The following RPRD1A variants were observed in gnomAD, a reference collection of about 807,000 sequenced individuals.
RPRD1A encodes the protein regulation of nuclear pre-mRNA domain-containing protein 1A.
In RPRD1A, 9 loss-of-function variants were observed where a neutral mutation model predicts 37.8. The ratio of observed to expected loss-of-function variants is 0.24; its 90% confidence interval spans 0.14 to 0.42. The LOEUF (loss-of-function observed/expected upper bound fraction) is 0.42. Ranked by LOEUF, RPRD1A falls within the 10% of genes least tolerant of loss-of-function variation. The pLI, the probability that RPRD1A is intolerant of heterozygous loss-of-function variation, is 1.00. For missense variants in RPRD1A, 255 were observed against 371.0 expected (o/e 0.69, Z 2.57); for synonymous variants, 138 against 139.7 (o/e 0.99, Z 0.08).
At chr18:36,006,979 A>G (rs1175541674) in intron 6 of RPRD1A, among the ~76,000 whole-genome samples, 1 of 152,202 alleles carries the variant, frequency 6.6e-6, no homozygotes, top group Admixed American at 6.5e-5. Context: ...GCATGAATAA[A>G]GCTGTATTAT....
intron 6 of RPRD1A, among the ~76,000 whole-genome samples, chr18:35,996,291 G>A (rs115248012): frequency 0.012 from 1,883 of 151,830 alleles, 33 homozygotes; most frequent in African/African-American, 0.043. Flanking sequence ...AAAGTCTGAT[G>A]GACAAACTAA....
chr18:36,042,700 A>G (rs1400897662), intron 1 of RPRD1A, among the ~76,000 whole-genome samples: 1 of 152,212 alleles, frequency 6.6e-6, no homozygotes, highest in African/African-American at 2.4e-5. Flanking sequence ...AAGTACAAAG[A>G]AACACAAATG....
At chr18:36,042,713 A>G (rs1362417305) in intron 1 of RPRD1A, among the ~76,000 whole-genome samples, 1 of 152,236 alleles carries the variant, frequency 6.6e-6, no homozygotes. Context: ...CACAAATGTT[A>G]AAGAATTAAA....
intron 1 of RPRD1A, among the ~76,000 whole-genome samples, chr18:36,064,856 C>G (rs1479202430): frequency 6.6e-6 from 1 of 152,134 alleles, no homozygotes. Context: ...AGCTGTAACA[C>G]TCACCGCGAA....
At chr18:36,055,152 A>C (rs1050145727) in intron 1 of RPRD1A, among the ~76,000 whole-genome samples, 1 of 152,248 alleles carries the variant, frequency 6.6e-6, no homozygotes, top group Non-Finnish European at 1.5e-5. Context: ...ACCTCATGAT[A>C]TTCAACTAAG....
chr18:36,030,946 T>C (rs1911737575), intron 3 of RPRD1A, 41 bp from the exon 4 acceptor site: 1 of 1,599,656 alleles, frequency 6.3e-7, no homozygotes, highest in South Asian at 1.1e-5. Context: ...AAAGAATACA[T>C]TTTAATGAAG....
intron 6 of RPRD1A, among the ~76,000 whole-genome samples, chr18:36,005,314 TA>T (rs201330907): frequency 1.7e-3 from 251 of 150,336 alleles, no homozygotes; most frequent in African/African-American, 5.8e-3. Context: ...AAAAATAAAA[TA>T]AAAAAAAACT....
chr18:36,002,545 AT>A (rs967092467), intron 6 of RPRD1A, among the ~76,000 whole-genome samples: 60 of 151,918 alleles, frequency 3.9e-4, no homozygotes, highest in Admixed American at 1.1e-3. Flanking sequence ...AGTGTCGGTA[AT>A]TTTTTTTCCC....
Position 35,991,194 on chromosome 18 carries a change from C to T in RPRD1A, c.*1957G>A, listed in dbSNP as rs1012022781. 6.6e-6 allele frequency: 1 copy of T among 152,038 alleles called. No homozygotes were observed. Among genetic ancestry groups the T allele is most frequent in the African/African-American group, 2.4e-5 (1 of 41,366 alleles). 9.4% of individuals were successfully genotyped at this position (152,038 alleles called of 1,614,324 possible). A position where few individuals can be genotyped will look rare whatever the true frequency, so the allele number is the denominator to read the frequency against. ...TATATATTTTGAATGGATAAATCAC[C>T]ACTTTAGCAGATCATAAATAAGGTC... On this transcript the variant is annotated 3_prime_UTR_variant, in exon 7 of 7. Transcript: ENST00000399022.
rs553391248 is a variant in RPRD1A at position 35,996,768 on chromosome 18, G to A, written c.790-3468C>T. On this transcript the variant is annotated intron_variant, in intron 6 of 6. Coordinates refer to ENST00000399022, the MANE Select transcript of RPRD1A (RefSeq NM_018170.5). ...AAGTGGGTGGAATGCTTTGAGCTCAGGAGTTTGAGACCAGCCTGGGCAATA... is the reference window on the plus strand; with the variant it reads ...AAGTGGGTGGAATGCTTTGAGCTCAAGAGTTTGAGACCAGCCTGGGCAATA... 2.6e-5 allele frequency among the ~76,000 whole-genome samples: 4 copies of A among 152,080 alleles called. No individual in the cohort carries two copies. In the East Asian group the frequency reaches 7.7e-4, roughly 29 times the overall value.
At chr18:36,003,722 C>A (rs187723882) in intron 6 of RPRD1A, among the ~76,000 whole-genome samples, 1 of 152,064 alleles carries the variant, frequency 6.6e-6, no homozygotes, top group Non-Finnish European at 1.5e-5. Flanking sequence ...TTAAGAGGTT[C>A]GTATTTTAGT....
chr18:36,045,802 G>A (rs1327878075), intron 1 of RPRD1A, among the ~76,000 whole-genome samples: 1 of 152,142 alleles, frequency 6.6e-6, no homozygotes, highest in African/African-American at 2.4e-5. Context: ...CACATCATGA[G>A]GGCTGAATTA....
At chr18:35,996,046 G>C (rs1598590215) in intron 6 of RPRD1A, among the ~76,000 whole-genome samples, 1 of 152,204 alleles carries the variant, frequency 6.6e-6, no homozygotes, top group African/African-American at 2.4e-5. Context: ...TTCTGGATGG[G>C]ATCCTGGAAC....
At chr18:36,014,462 G>T (rs192594475) in intron 6 of RPRD1A, among the ~76,000 whole-genome samples, 14 of 152,332 alleles carry the variant, frequency 9.2e-5, no homozygotes, top group African/African-American at 3.1e-4. Context: ...GGCAAGGCTG[G>T]GCGCCATGGC....
intron 1 of RPRD1A, among the ~76,000 whole-genome samples, chr18:36,053,481 G>A (rs1913542573): frequency 1.3e-5 from 2 of 152,176 alleles, no homozygotes; most frequent in African/African-American, 4.8e-5. Context: ...CCACACTGTA[G>A]AATGTATCAG....
chr18:36,052,702 G>A (rs369863733), intron 1 of RPRD1A, among the ~76,000 whole-genome samples: 5 of 152,098 alleles, frequency 3.3e-5, no homozygotes, highest in South Asian at 2.1e-4. Flanking sequence ...GAGCTCAAGC[G>A]ATTCTCCTTC....
rs551998085 is a variant in RPRD1A, at chr18:36,049,432, C to T, written c.152-15595G>A. ...AAAAACCTGCATATAATTTTTGACC[C>T]CCCCCACCAAAAAACTTAGGGAGTT... On this transcript the variant is annotated intron_variant, in intron 1 of 6. Coordinates refer to ENST00000399022, the MANE Select transcript of RPRD1A (RefSeq NM_018170.5). Among the ~76,000 whole-genome samples, 18 of 144,828 alleles carry T rather than the reference C, an allele frequency of 1.2e-4. No homozygotes were observed. In the East Asian group the frequency reaches 3.5e-3, roughly 28 times the overall value.
intron 6 of RPRD1A, among the ~76,000 whole-genome samples, chr18:36,018,545 T>A (rs1298412100): frequency 6.6e-6 from 1 of 152,186 alleles, no homozygotes; most frequent in African/African-American, 2.4e-5. Context: ...AGTGCTAGGA[T>A]TACAGGCGTG....
chr18:36,058,823 CTCTCAT>C (rs1241479328), intron 1 of RPRD1A, among the ~76,000 whole-genome samples: 1 of 152,142 alleles, frequency 6.6e-6, no homozygotes, highest in African/African-American at 2.4e-5. Context: ...CCTTTTTTCA[CTCTCAT>C]TCTCTCACAA....
Sources: allele counts gnomAD v4.1 joint callset (sites outside exome capture counted in the v4.1 genomes callset), GRCh38; gene constraint gnomAD v4.1.1; transcripts MANE v1.5; gene names NCBI Gene and HGNC (gene_info 2026-07-23, HGNC 2026-07-21).